QPCTL: variants seen among roughly 807,000 people sequenced by gnomAD.
QPCTL encodes glutaminyl-peptide cyclotransferase like.
A neutral mutation model predicts 34.6 loss-of-function variants in QPCTL; 31 were observed. The ratio of observed to expected loss-of-function variants is 0.90; its 90% confidence interval spans 0.67 to 1.21. The LOEUF is 1.21. QPCTL is among the 50% of genes most tolerant of loss of function. QPCTL has a pLI of 0.00. For missense variants in QPCTL, 474 were observed against 507.8 expected, an observed-to-expected ratio of 0.93 and a Z score of 0.64; for synonymous variants, 223 against 226.9, an observed-to-expected ratio of 0.98 and a Z score of 0.15.
intron 6 of QPCTL, 136 bp from the exon 7 acceptor site, chr19:45,702,763 CAAAAA>C: frequency 1.2e-6 from 1 of 825,566 alleles, no homozygotes; most frequent in Non-Finnish European, 1.8e-6. Context: ...GACTCTGTCT[CAAAAA>C]AAAAAAAAAA....
At position 45,695,417 on chromosome 19, in the gene QPCTL, C is replaced by A; in HGVS notation, c.352-20C>A. On this transcript the variant is annotated intron_variant, in intron 2 of 6. Transcript: ENST00000012049. ...CCTCCCCAGTCCCCGTCCACCCTCC[C>A]ACCTCTCTCTTGCCGCTAGTTCCTG... is the stretch of plus-strand genomic sequence containing the variant. The A allele has an allele frequency of 6.2e-7, 1 of 1,600,090 alleles. No individual in the cohort carries two copies. The highest frequency in any genetic ancestry group is 1.1e-5 in the South Asian group (1 of 89,352).
Position 45,695,420 on chromosome 19 carries a change from C to T in QPCTL, c.352-17C>T. On this transcript the variant is annotated splice_polypyrimidine_tract_variant and intron_variant, in intron 2 of 6. Transcript: ENST00000012049. Reference sequence around the variant, plus strand: ...CCCCAGTCCCCGTCCACCCTCCCACCTCTCTCTTGCCGCTAGTTCCTGGAG... The same window carrying T: ...CCCCAGTCCCCGTCCACCCTCCCACTTCTCTCTTGCCGCTAGTTCCTGGAG... 1 of 1,601,536 alleles carries T rather than the reference C, an allele frequency of 6.2e-7. No individual in the cohort carries two copies. The highest frequency in any genetic ancestry group is 8.5e-7 in the Non-Finnish European group (1 of 1,171,596).
At chr19:45,693,639 G>A (rs985795308) in intron 2 of QPCTL, 83 bp downstream of exon 2, 2 of 1,492,734 alleles carry the variant, frequency 1.3e-6, no homozygotes, top group African/African-American at 2.8e-5. Flanking sequence ...TCCCAAAGAA[G>A]CTAAGAGGAG....
rs1967626177 is a variant in QPCTL at position 45,693,541 on chromosome 19, TCTC to T, written c.338_340del (p.Leu113del). ...TGCGAACCCCGGGCAGCCCGGGAAATCTCCAAGTCAGAAAGGTAAAGGGACCCA... is the reference window on the plus strand; with the variant it reads ...TGCGAACCCCGGGCAGCCCGGGAAATCAAGTCAGAAAGGTAAAGGGACCCA... On this transcript the variant is annotated inframe_deletion, in exon 2 of 7. Transcript: ENST00000012049. The T allele has an allele frequency of 1.2e-6, 2 of 1,611,234 alleles. No homozygotes were observed. Among genetic ancestry groups the T allele is most frequent in the Non-Finnish European group, 1.7e-6 (2 of 1,178,628 alleles).
rs780821530 is a variant in QPCTL, at chr19:45,695,405, C to A, written c.352-32C>A. On this transcript the variant is annotated intron_variant, in intron 2 of 6. Transcript: ENST00000012049. Reference sequence around the variant, plus strand: ...TTCTCCCCACCTCCTCCCCAGTCCCCGTCCACCCTCCCACCTCTCTCTTGC... The same window carrying A: ...TTCTCCCCACCTCCTCCCCAGTCCCAGTCCACCCTCCCACCTCTCTCTTGC... The A allele has an allele frequency of 8.2e-6, 13 of 1,586,514 alleles. No individual in the cohort carries two copies. The highest frequency in any genetic ancestry group is 1.0e-5 in the Non-Finnish European group (12 of 1,162,980).
Position 45,695,598 on chromosome 19 carries a change from G to C in QPCTL, c.513G>C (p.Ser171=). Residue 171 remains serine, a synonymous_variant, in exon 3 of 7, where the codon TCG becomes TCC. Transcript: ENST00000012049. ...TCACCCTTGCCTGCCATTATGACTCGAAGCTCTTCCCACCCGGATCGACCC... is the reference window on the plus strand; with the variant it reads ...TCACCCTTGCCTGCCATTATGACTCCAAGCTCTTCCCACCCGGATCGACCC... ...RHLTLACHYD[S]KLFPPGSTPF... The C allele has an allele frequency of 2.5e-6, 4 of 1,614,062 alleles. No individual in the cohort carries two copies. The highest frequency in any genetic ancestry group is 3.4e-6 in the Non-Finnish European group (4 of 1,179,982).
chr19:45,701,081 C>G (rs1967801212), intron 5 of QPCTL, among the ~76,000 whole-genome samples: 1 of 150,998 alleles, frequency 6.6e-6, no homozygotes, highest in Admixed American at 6.7e-5. Context: ...CCAGCCCGGG[C>G]AACACAGGAA....
At chr19:45,697,425 CAAAA>C (rs36004965) in intron 3 of QPCTL, among the ~76,000 whole-genome samples, 1 of 129,588 alleles carries the variant, frequency 7.7e-6, no homozygotes. Context: ...GACTCCGTCT[CAAAA>C]AAAAAAAAAA....
Position 45,695,597 on chromosome 19 carries a change from C to G in QPCTL, c.512C>G (p.Ser171Trp), listed in dbSNP as rs200179816. ...CTCACCCTTGCCTGCCATTATGACT[C>G]GAAGCTCTTCCCACCCGGATCGACC... is the stretch of plus-strand genomic sequence containing the variant. ...RHLTLACHYD[S>W]KLFPPGSTPF... Residue 171 changes from serine to tryptophan, a missense_variant, in exon 3 of 7, where the codon TCG becomes TGG. Ser to Trp is a radical substitution (Grantham distance 177, BLOSUM62 -3). Transcript: ENST00000012049. The G allele has an allele frequency of 1.9e-6, 3 of 1,614,066 alleles. No individual in the cohort carries two copies. In the East Asian group the frequency reaches 6.7e-5, roughly 36 times the overall value.
rs201715664 is a variant in QPCTL at position 45,701,863 on chromosome 19, G to A, written c.952G>A (p.Gly318Arg). The A allele has an allele frequency of 1.3e-5, 21 of 1,613,776 alleles. No individual in the cohort carries two copies. Among genetic ancestry groups the A allele is most frequent in the Admixed American group, 8.3e-5 (5 of 59,962 alleles). Residue 318 changes from glycine to arginine, a missense_variant, in exon 6 of 7, where the codon GGG (glycine) becomes AGG (arginine). Transcript: ENST00000012049. The part of the protein sequence containing the change: ...HPQEVMYFQP[G>R]EPFGSVEDDH... ...CCAGGAAGTGATGTACTTCCAACCCGGGGAGCCCTTTGGCTCTGTGGAAGA... is the reference window on the plus strand; with the variant it reads ...CCAGGAAGTGATGTACTTCCAACCCAGGGAGCCCTTTGGCTCTGTGGAAGA...
chr19:45,694,678 C>A (rs935172208), intron 2 of QPCTL, among the ~76,000 whole-genome samples: 1 of 151,788 alleles, frequency 6.6e-6, no homozygotes, highest in Admixed American at 6.6e-5. Context: ...ACCATATTGG[C>A]CAGGCTGGTC....
At position 45,698,716 on chromosome 19, in the gene QPCTL, C is replaced by G; in HGVS notation, c.786+17C>G. ...CAGGCTATTGTAAGACCAGGGTCCC[C>G]TGGCTTCTGGCGAGGGAGGGAGCAG... is the stretch of plus-strand genomic sequence containing the variant. On this transcript the variant is annotated intron_variant, in intron 4 of 6. Coordinates refer to ENST00000012049, the MANE Select transcript of QPCTL (RefSeq NM_017659.4). 1 of 1,613,878 alleles carries G rather than the reference C, an allele frequency of 6.2e-7. No homozygotes were observed. Among genetic ancestry groups the G allele is most frequent in the Non-Finnish European group, 8.5e-7 (1 of 1,179,834 alleles).
In QPCTL at chr19:45,693,576, G is replaced by T. The variant is rs1375239095; in HGVS notation, c.351+20G>T. ...AGAAAGGTAAAGGGACCCACCTCCA[G>T]TCCCTGACCCCCTAGCCCTCCAGGG... On this transcript the variant is annotated intron_variant, in intron 2 of 6. Transcript: ENST00000012049. 6.3e-7 allele frequency: 1 copy of T among 1,594,660 alleles called. No individual in the cohort carries two copies. Among genetic ancestry groups the T allele is most frequent in the African/African-American group, 1.3e-5 (1 of 74,266 alleles).
Position 45,695,621 on chromosome 19 carries a change from C to T in QPCTL, c.536C>T (p.Thr179Ile), listed in dbSNP as rs368420015. The change falls in exon 3 of 7, where the codon ACC becomes ATC. Residue 179 changes from threonine to isoleucine, a missense_variant. Thr to Ile is a moderately conservative substitution (Grantham distance 89). Transcript: ENST00000012049. The part of the protein sequence containing the change: ...YDSKLFPPGS[T>I]PFVGATDSAV... ...TCGAAGCTCTTCCCACCCGGATCGA[C>T]CCCCTTTGTAGGGGCCACGGATTCG... 2 of 1,613,956 alleles carry T rather than the reference C, an allele frequency of 1.2e-6. No individual in the cohort carries two copies. Among genetic ancestry groups the T allele is most frequent in the African/African-American group, 2.7e-5 (2 of 74,924 alleles).
intron 5 of QPCTL, 72 bp downstream of exon 5, chr19:45,698,972 A>T (rs1441956265): frequency 7.6e-6 from 10 of 1,320,856 alleles, no homozygotes; most frequent in Non-Finnish European, 1.1e-5. Flanking sequence ...CTGGGGTAGG[A>T]CAGGCACCTA....
intron 5 of QPCTL, among the ~76,000 whole-genome samples, chr19:45,699,327 G>A (rs1037242752): frequency 2.0e-5 from 3 of 151,480 alleles, no homozygotes; most frequent in African/African-American, 7.3e-5. Flanking sequence ...CACCGTGCCT[G>A]GTGACCCCAT....
At chr19:45,701,582 T>A in intron 5 of QPCTL, among the ~76,000 whole-genome samples, 1 of 152,044 alleles carries the variant, frequency 6.6e-6, no homozygotes, top group East Asian at 1.9e-4. Context: ...GGCCACAAGA[T>A]CTTGTCTCAA....
intron 1 of QPCTL, 30 bp downstream of exon 1, chr19:45,692,940 G>A (rs867650588): frequency 2.0e-6 from 3 of 1,525,868 alleles, no homozygotes; most frequent in African/African-American, 2.8e-5. Context: ...CGGGCACCGC[G>A]GGGACCCTCA....
At chr19:45,701,650 G>C (rs1263765892) in intron 5 of QPCTL, 148 bp from the exon 6 acceptor site, 2 of 633,090 alleles carry the variant, frequency 3.2e-6, no homozygotes, top group Non-Finnish European at 5.6e-6. Context: ...GGAACATAGT[G>C]AGCCCACAGG....
Sources: gnomAD v4.1 joint callset for allele counts (sites outside exome capture counted in the v4.1 genomes callset) on GRCh38, gnomAD v4.1.1 for gene constraint, MANE v1.5 for transcripts, NCBI Gene and HGNC (gene_info 2026-07-23, HGNC 2026-07-21) for gene names.